Variants in RADIL observed in about 807,000 individuals in gnomAD.
RADIL encodes the protein ras-associating and dilute domain-containing protein.
A neutral mutation model predicts 97.6 loss-of-function variants in RADIL; 99 were observed. That is an observed-to-expected ratio of 1.01 (90% CI 0.86 to 1.20). The LOEUF (loss-of-function observed/expected upper bound fraction) is 1.20, where lower values mean the gene tolerates loss of function less well. Ranked by LOEUF, RADIL falls within the 50% of genes most tolerant of loss-of-function variation. RADIL has a pLI of 0.00. For synonymous variants in RADIL, 803 were observed against 691.8 expected, an observed-to-expected ratio of 1.16 and a Z score of -2.52; for missense variants, 1,765 against 1,498.9, an observed-to-expected ratio of 1.18 and a Z score of -2.93.
At chr7:4,881,926 A>T (rs1266480150) in intron 1 of RADIL, among the ~76,000 whole-genome samples, 2 of 152,182 alleles carry the variant, frequency 1.3e-5, no homozygotes, top group African/African-American at 2.4e-5. Context: ...CTTGAACTTC[A>T]GAAATGTTGT....
At chr7:4,860,321 A>C (rs1783951849) in intron 2 of RADIL, 1 of 1,614,044 alleles carries the variant, frequency 6.2e-7, no homozygotes, top group Non-Finnish European at 8.5e-7. Flanking sequence ...ATGAGGCAGC[A>C]GCTGGTGAAG....
In RADIL at chr7:4,801,858, G is replaced by T. The variant is rs151229803; in HGVS notation, c.2637C>A (p.Ala879=). Reference sequence around the variant, plus strand: ...CACGGCTGGGTTGCCTTCCAGGGGGGGCCTGTGCCCAGGGAGCCCCCCTCA... The same window carrying T: ...CACGGCTGGGTTGCCTTCCAGGGGGTGCCTGTGCCCAGGGAGCCCCCCTCA... ...LPLRGAPWAQ[A]PPGRQPSRGG... Residue 879 remains alanine (A), a synonymous_variant, in exon 12 of 15, where the codon GCC becomes GCA. Transcript: ENST00000399583. 1.3e-5 allele frequency: 20 copies of T among 1,595,360 alleles called. No individual in the cohort carries two copies. The African/African-American group carries it at 1.5e-4, about 12-fold the overall frequency.
In RADIL at chr7:4,801,807, G is replaced by C. The variant is rs1782095034; in HGVS notation, c.2688C>G (p.His896Gln). The change falls in exon 12 of 15, where the codon CAC (histidine) becomes CAG (glutamine). Residue 896 changes from histidine to glutamine, a missense_variant. His to Gln is a conservative substitution (Grantham distance 24). Transcript: ENST00000399583. The stretch of plus-strand genomic sequence containing the variant: ...GCGTGAGCAAGCAGGACGAGTCCGT[G>C]TGCGGGGGGCCAGCCTGGGAGCCCC... ...SRGGSQAGPP[H>Q]TDSSCLLTPP... is the part of the protein sequence containing the mutation. 6.2e-7 allele frequency: 1 copy of C among 1,608,890 alleles called. No homozygotes were observed. Among genetic ancestry groups the C allele is most frequent in the Non-Finnish European group, 8.5e-7 (1 of 1,178,520 alleles).
At position 4,842,199 on chromosome 7, in the gene RADIL, C is replaced by T. The variant is rs531380185; in HGVS notation, c.536-5594G>A. On this transcript the variant is annotated intron_variant, in intron 2 of 14. Transcript: ENST00000399583. This position sits in a 1 kb window ranked among gnomAD's most constrained non-coding sequence, Gnocchi z 4.5. ...TAGAAGGAGTAGAAAGTGCAGGGCG[C>T]CGGGGCAATGGGGAAGATGGGGATG... Among the ~76,000 whole-genome samples, 9 of 152,252 alleles carry T rather than the reference C, an allele frequency of 5.9e-5. No homozygotes were observed. The South Asian group carries it at 1.9e-3, about 32-fold the overall frequency.
chr7:4,870,470 C>A (rs1024636971), intron 2 of RADIL, among the ~76,000 whole-genome samples: 1 of 152,142 alleles, frequency 6.6e-6, no homozygotes, highest in Non-Finnish European at 1.5e-5. Context: ...GAGATGGAGT[C>A]TCGCTCTCTT....
At position 4,849,158 on chromosome 7, in the gene RADIL, G is replaced by T. The variant is rs1412812273; in HGVS notation, c.536-12553C>A. Among the ~76,000 whole-genome samples, 1 of 142,474 alleles carries T rather than the reference G, an allele frequency of 7.0e-6. No homozygotes were observed. Among genetic ancestry groups the T allele is most frequent in the Admixed American group, 7.0e-5 (1 of 14,262 alleles). 93.5% of individuals were successfully genotyped at this position (142,474 alleles called of 152,430 possible). ...TGTCTCAAAAAAAAAAAAAAAAAGG[G>T]AATTAAAAGCCAGAAAGAAAGAGTT... On this transcript the variant is annotated intron_variant, in intron 2 of 14. Coordinates refer to ENST00000399583, the MANE Select transcript of RADIL (RefSeq NM_018059.5). The surrounding 1 kb of genome is among the most constrained non-coding windows in gnomAD (Gnocchi z 5.4).
chr7:4,827,658 C>T (rs540027771), intron 5 of RADIL, among the ~76,000 whole-genome samples: 3 of 152,142 alleles, frequency 2.0e-5, no homozygotes, highest in Non-Finnish European at 2.9e-5. Flanking sequence ...GAGTCTCCAT[C>T]GCAAAAACGA....
In RADIL at chr7:4,834,379, C is replaced by T. The variant is rs1174976945; in HGVS notation, c.1416+228G>A. Among the ~76,000 whole-genome samples the T allele has an allele frequency of 1.3e-5, 2 of 152,156 alleles. No homozygotes were observed. The highest frequency in any genetic ancestry group is 2.4e-5 in the African/African-American group (1 of 41,422). On this transcript the variant is annotated intron_variant, in intron 4 of 14. Coordinates refer to ENST00000399583, the MANE Select transcript of RADIL (RefSeq NM_018059.5). This position sits in a 1 kb window ranked among gnomAD's most constrained non-coding sequence, Gnocchi z 6.0. The stretch of plus-strand genomic sequence containing the variant: ...GACCTAGGACCCCACGCAAACCCCA[C>T]CCTCAGGGGCAAAGGGCTGCAGCTG...
rs1783340651 is a variant in RADIL at position 4,837,800 on chromosome 7, G to C, written c.536-1195C>G. 1.0e-6 allele frequency: 1 copy of C among 980,068 alleles called. No homozygotes were observed. Among genetic ancestry groups the C allele is most frequent in the Admixed American group, 6.2e-5 (1 of 16,258 alleles). The allele number at this position is 980,068 out of a possible 1,614,324, so 60.7% of individuals were successfully genotyped here. On this transcript the variant is annotated intron_variant, in intron 2 of 14. Coordinates refer to ENST00000399583, the MANE Select transcript of RADIL (RefSeq NM_018059.5). The surrounding 1 kb of genome is among the most constrained non-coding windows in gnomAD (Gnocchi z 5.6). ...CTAAATGCATGCTCTGGGAAAGCCA[G>C]CCGGCTGCGATAGATGAAAACCGCT...
intron 2 of RADIL, chr7:4,860,184 T>A: frequency 6.2e-7 from 1 of 1,614,070 alleles, no homozygotes; most frequent in Non-Finnish European, 8.5e-7. Flanking sequence ...CCTGTCTTCA[T>A]AGTGCTAGTA....
chr7:4,881,453 A>G (rs1023820355), intron 1 of RADIL, among the ~76,000 whole-genome samples: 5 of 143,410 alleles, frequency 3.5e-5, no homozygotes, highest in Non-Finnish European at 6.0e-5. Context: ...TTGGCTGGGC[A>G]TGGTGGTTCA....
At chr7:4,820,474 G>A (rs567465401) in intron 6 of RADIL, among the ~76,000 whole-genome samples, 5 of 152,086 alleles carry the variant, frequency 3.3e-5, no homozygotes, top group African/African-American at 9.6e-5. Context: ...GCCCCATCAC[G>A]TGGGGGGCAA....
intron 2 of RADIL, among the ~76,000 whole-genome samples, chr7:4,864,819 C>G (rs1465553401): frequency 6.6e-6 from 1 of 152,228 alleles, no homozygotes; most frequent in African/African-American, 2.4e-5. Context: ...ACTTCTACAA[C>G]AACTAAATTA....
intron 9 of RADIL, chr7:4,809,497 C>G (rs1387237035): frequency 1.0e-6 from 1 of 985,254 alleles, no homozygotes; most frequent in East Asian, 1.1e-4. Context: ...GTGTCCAGCC[C>G]CCAAAACAAG....
At chr7:4,801,609 G>C in intron 12 of RADIL, 44 bp downstream of exon 12, 1 of 1,541,882 alleles carries the variant, frequency 6.5e-7, no homozygotes, top group Non-Finnish European at 8.7e-7. Flanking sequence ...GGTGCTGTGC[G>C]GGGTCTGGGG....
chr7:4,826,152 G>A (rs1313548230), intron 5 of RADIL, among the ~76,000 whole-genome samples: 1 of 152,024 alleles, frequency 6.6e-6, no homozygotes, highest in Admixed American at 6.6e-5. Flanking sequence ...AGGCTGCAGT[G>A]AGCTCTGACT....
At position 4,825,908 on chromosome 7, in the gene RADIL, A is replaced by C. The variant is rs35032605; in HGVS notation, c.1455-3354T>G. Reference sequence around the variant, plus strand: ...GAAAAAAAAAAAAAAAAAAAAAAAAAGGGAAATGAAATGGTGAATATGTTG... The same window carrying C: ...GAAAAAAAAAAAAAAAAAAAAAAAACGGGAAATGAAATGGTGAATATGTTG... On this transcript the variant is annotated intron_variant, in intron 5 of 14. Transcript: ENST00000399583. Among the ~76,000 whole-genome samples the C allele has an allele frequency of 9.0e-3, 1,306 of 145,064 alleles. 8 individuals are homozygous for C. Among genetic ancestry groups the C allele is most frequent in the Middle Eastern group, 0.015 (4 of 268 alleles).
Position 4,805,860 on chromosome 7 carries a change from G to A in RADIL, c.2140-144C>T. 2.9e-6 allele frequency: 4 copies of A among 1,392,756 alleles called. No individual in the cohort carries two copies. In the South Asian group the frequency reaches 5.1e-5, roughly 18 times the overall value. The allele number at this position is 1,392,756 out of a possible 1,614,324, so 86.3% of individuals were successfully genotyped here. On this transcript the variant is annotated intron_variant, in intron 9 of 14. Transcript: ENST00000399583. ...TCCCACCAGGGGCCATCTGTGAGGG[G>A]GACGGTGTCACAGCAGCAGTTCACC... is the stretch of plus-strand genomic sequence containing the variant.
rs1400997124 is a variant in RADIL at position 4,819,614 on chromosome 7, G to A, written c.1616-2263C>T. ...GTGAGGCGGCGCGGGAGGGGCCTGG[G>A]TCAGAGCTTTGTACAAAACAGTGTT... On this transcript the variant is annotated intron_variant, in intron 6 of 14. Coordinates refer to ENST00000399583, the MANE Select transcript of RADIL (RefSeq NM_018059.5). This position sits in a 1 kb window ranked among gnomAD's most constrained non-coding sequence, Gnocchi z 5.8. 6.6e-6 allele frequency among the ~76,000 whole-genome samples: 1 copy of A among 152,196 alleles called. No homozygotes were observed. The highest frequency in any genetic ancestry group is 2.4e-5 in the African/African-American group (1 of 41,450).
Sources: allele counts gnomAD v4.1 joint callset (sites outside exome capture counted in the v4.1 genomes callset), GRCh38; gene constraint gnomAD v4.1.1; non-coding constraint Gnocchi (gnomAD v3.1); transcripts MANE v1.5; gene names NCBI Gene and HGNC (gene_info 2026-07-23, HGNC 2026-07-21).